Variants in INSL6 observed in about 807,000 individuals in gnomAD.
INSL6 encodes insulin-like peptide INSL6.
Under a neutral mutation model 9.4 loss-of-function variants are expected in INSL6, and 16 were observed. That is an observed-to-expected ratio of 1.70 (90% CI 1.15 to 2.59). The LOEUF is 2.59. Ranked by LOEUF, INSL6 falls within the 30% of genes most tolerant of loss-of-function variation. The probability of loss-of-function intolerance (pLI) is 0.00; values close to 1 mark genes in which losing one functional copy is unlikely to be tolerated. For synonymous variants in INSL6, 154 were observed against 96.9 expected (o/e 1.59, Z -3.46); for missense variants, 391 against 257.3 (o/e 1.52, Z -3.56).
chr9:5,148,912 G>T (rs1408516456), intron 2 of INSL6, among the ~76,000 whole-genome samples: 1 of 151,782 alleles, frequency 6.6e-6, no homozygotes, highest in East Asian at 1.9e-4. Context: ...AGGGACCCTG[G>T]GAGGTGCTGG....
intron 3 of INSL6, among the ~76,000 whole-genome samples, chr9:5,133,150 G>A (rs943181477): frequency 6.6e-6 from 1 of 152,088 alleles, no homozygotes; most frequent in Non-Finnish European, 1.5e-5. Context: ...AAACAGATAT[G>A]CAGTGATATT....
chr9:5,146,411 G>A (rs1253445406), intron 2 of INSL6, among the ~76,000 whole-genome samples: 7 of 152,180 alleles, frequency 4.6e-5, no homozygotes, highest in Non-Finnish European at 1.0e-4. Context: ...TGGGAGCAAG[G>A]CATTGGTGAG....
At chr9:5,144,186 A>G (rs1824554992) in intron 2 of INSL6, among the ~76,000 whole-genome samples, 1 of 152,080 alleles carries the variant, frequency 6.6e-6, no homozygotes, top group Non-Finnish European at 1.5e-5. Context: ...TGTCCCAGAG[A>G]TTCTGATATG....
chr9:5,106,315 A>C, the INSL6 span, among the ~76,000 whole-genome samples: 1 of 152,278 alleles, frequency 6.6e-6, no homozygotes, highest in Non-Finnish European at 1.5e-5. Flanking sequence ...ATCACTGGTC[A>C]TCAGAGAAAT....
the INSL6 span, among the ~76,000 whole-genome samples, chr9:5,029,422 G>T: frequency 6.6e-6 from 1 of 152,100 alleles, no homozygotes. Context: ...TTGAAGTATT[G>T]CAAGAATTAC....
At chr9:5,185,076 A>C (rs1422098726) in intron 1 of INSL6, among the ~76,000 whole-genome samples, 1 of 152,204 alleles carries the variant, frequency 6.6e-6, no homozygotes, top group African/African-American at 2.4e-5. Context: ...AGAAAAGAAC[A>C]ACATTCTTAC....
the INSL6 span, chr9:5,089,822 A>C: frequency 6.3e-7 from 1 of 1,591,600 alleles, no homozygotes; most frequent in Non-Finnish European, 8.6e-7. Flanking sequence ...TCCCTACAGC[A>C]TGACAACATT....
downstream of INSL6, among the ~76,000 whole-genome samples, chr9:5,163,120 G>A (rs1330517958): frequency 1.3e-5 from 2 of 152,140 alleles, no homozygotes; most frequent in African/African-American, 4.8e-5. Flanking sequence ...TAGCCTAGAA[G>A]CCTTATTAAA....
chr9:5,159,618 C>T (rs1414296808), downstream of INSL6, among the ~76,000 whole-genome samples: 11 of 152,086 alleles, frequency 7.2e-5, no homozygotes, highest in African/African-American at 1.2e-4. Context: ...TAAATATATA[C>T]GCATTCAACG....
the INSL6 span, among the ~76,000 whole-genome samples, chr9:5,028,906 CTT>C: frequency 6.6e-6 from 1 of 152,168 alleles, no homozygotes; most frequent in African/African-American, 2.4e-5. Flanking sequence ...ACCACTCAAA[CTT>C]TTGTCACATC....
At chr9:5,160,637 G>C (rs1824906206), downstream of INSL6, among the ~76,000 whole-genome samples, 1 of 151,914 alleles carries the variant, frequency 6.6e-6, no homozygotes, top group Non-Finnish European at 1.5e-5. Flanking sequence ...GAATACAAAA[G>C]ATCAACGAAA....
chr9:5,088,196 C>T, the INSL6 span, among the ~76,000 whole-genome samples: 2 of 152,250 alleles, frequency 1.3e-5, no homozygotes, highest in East Asian at 3.9e-4. Context: ...GATCAATATT[C>T]TAGTTCCAAT....
chr9:5,014,312 A>C, the INSL6 span, among the ~76,000 whole-genome samples: 58 of 150,972 alleles, frequency 3.8e-4, 2 homozygotes, highest in East Asian at 0.011. Flanking sequence ...CCTCTTATTT[A>C]CTCTTTATTC....
At chr9:5,031,268 G>A in the INSL6 span, among the ~76,000 whole-genome samples, 1 of 152,060 alleles carries the variant, frequency 6.6e-6, no homozygotes, top group Non-Finnish European at 1.5e-5. Context: ...GACTTACCTG[G>A]CAATTGTAAA....
intron 1 of INSL6, among the ~76,000 whole-genome samples, chr9:5,168,927 A>ATTT (rs34418346): frequency 7.0e-6 from 1 of 143,560 alleles, no homozygotes; most frequent in Non-Finnish European, 1.5e-5. Flanking sequence ...TATTTATTTG[A>ATTT]TTTTTTTTTT....
chr9:5,137,534 A>G (rs900889762), intron 2 of INSL6, among the ~76,000 whole-genome samples: 1 of 152,138 alleles, frequency 6.6e-6, no homozygotes, highest in African/African-American at 2.4e-5. Context: ...TTGGCTAGCC[A>G]TATGCAGAAA....
At chr9:5,121,758 G>A (rs1053806019), downstream of INSL6, among the ~76,000 whole-genome samples, 2 of 152,074 alleles carry the variant, frequency 1.3e-5, no homozygotes, top group Non-Finnish European at 2.9e-5. Context: ...TTTCAACAAG[G>A]GGAATTAATT....
At chr9:5,144,091 G>A (rs1000469337) in intron 2 of INSL6, among the ~76,000 whole-genome samples, 1 of 152,166 alleles carries the variant, frequency 6.6e-6, no homozygotes, top group Non-Finnish European at 1.5e-5. Context: ...TAGTTGTGAT[G>A]TTAGGTTGTT....
At chr9:5,124,327 T>C (rs1823837211) in exon 4 of INSL6, among the ~76,000 whole-genome samples, 1 of 151,790 alleles carries the variant, frequency 6.6e-6, no homozygotes, top group African/African-American at 2.4e-5. Context: ...TTTTTTCTAG[T>C]ATTTTTCTAG....
Sources: allele counts gnomAD v4.1 joint callset (sites outside exome capture counted in the v4.1 genomes callset), GRCh38; gene constraint gnomAD v4.1.1; transcripts MANE v1.5; gene names NCBI Gene and HGNC (gene_info 2026-07-23, HGNC 2026-07-21).